The following DPYD variants were observed in gnomAD, a reference collection of about 807,000 sequenced individuals.
DPYD encodes the protein dihydropyrimidine dehydrogenase.
In DPYD, 109 loss-of-function variants were observed where a neutral mutation model predicts 116.2. The observed-to-expected ratio is 0.94, with a 90% CI of 0.80 to 1.10. The LOEUF (loss-of-function observed/expected upper bound fraction) is 1.10, where lower values mean the gene tolerates loss of function less well. Ranked by LOEUF, DPYD falls within the 50% of genes least tolerant of loss-of-function variation. DPYD has a pLI of 0.00. For missense variants in DPYD, 1,302 were observed against 1,254.5 expected (o/e 1.04, Z -0.57); for synonymous variants, 440 against 432.0 (o/e 1.02, Z -0.23).
intron 20 of DPYD, among the ~76,000 whole-genome samples, chr1:97,166,515 A>G (rs1656340858): frequency 6.6e-6 from 1 of 152,144 alleles, no homozygotes; most frequent in South Asian, 2.1e-4. Context: ...GGCCCCCATG[A>G]CATGAGTTTA....
chr1:97,444,578 T>C (rs1277900583), intron 14 of DPYD, among the ~76,000 whole-genome samples: 1 of 152,132 alleles, frequency 6.6e-6, no homozygotes, highest in African/African-American at 2.4e-5. Context: ...TTACAAAAAA[T>C]ACACACACAT....
At chr1:97,696,325 A>C (rs1465794132) in intron 6 of DPYD, among the ~76,000 whole-genome samples, 2 of 152,210 alleles carry the variant, frequency 1.3e-5, no homozygotes, top group East Asian at 3.9e-4. Context: ...AACATTGATC[A>C]TTGATATGAA....
At chr1:97,772,476 C>G (rs1470230084) in intron 3 of DPYD, among the ~76,000 whole-genome samples, 2 of 152,148 alleles carry the variant, frequency 1.3e-5, no homozygotes, top group Non-Finnish European at 2.9e-5. Context: ...CCACAGTCAT[C>G]TATAAAAGTA....
At chr1:97,641,852 C>G (rs1408726209) in intron 8 of DPYD, among the ~76,000 whole-genome samples, 2 of 152,142 alleles carry the variant, frequency 1.3e-5, no homozygotes, top group Admixed American at 6.5e-5. Context: ...TAGAAAACCC[C>G]ATCGTCTCAG....
intron 1 of DPYD, among the ~76,000 whole-genome samples, chr1:97,890,997 G>C (rs897178963): frequency 2.0e-5 from 3 of 151,854 alleles, no homozygotes; most frequent in Non-Finnish European, 4.4e-5. Context: ...AATGGATCTT[G>C]GGTAAAAATA....
intron 8 of DPYD, among the ~76,000 whole-genome samples, chr1:97,629,798 T>C (rs893239020): frequency 6.6e-6 from 1 of 152,134 alleles, no homozygotes; most frequent in African/African-American, 2.4e-5. Flanking sequence ...GACAATGCTA[T>C]GATCTATGCA....
intron 16 of DPYD, among the ~76,000 whole-genome samples, chr1:97,336,848 C>A (rs1340534998): frequency 6.6e-6 from 1 of 152,106 alleles, no homozygotes; most frequent in Non-Finnish European, 1.5e-5. Flanking sequence ...GAAAATGGAA[C>A]AGCAGAGGGT....
At chr1:97,671,789 T>C (rs1659872923) in intron 8 of DPYD, among the ~76,000 whole-genome samples, 2 of 152,180 alleles carry the variant, frequency 1.3e-5, no homozygotes, top group Non-Finnish European at 2.9e-5. Flanking sequence ...AGGGGAGGGA[T>C]ATATGCACAC....
intron 16 of DPYD, among the ~76,000 whole-genome samples, chr1:97,357,029 G>C (rs1670459335): frequency 6.6e-6 from 1 of 152,074 alleles, no homozygotes; most frequent in Non-Finnish European, 1.5e-5. Flanking sequence ...ACACATTTTA[G>C]AATTATATTT....
chr1:97,507,107 T>C lies in DPYD; in HGVS notation c.1740+8619A>G, dbSNP rs1041580959. Among the ~76,000 whole-genome samples, 39 of 151,994 alleles carry C rather than the reference T, an allele frequency of 2.6e-4. 2 individuals are homozygous for C. The highest frequency in any genetic ancestry group is 2.9e-5 in the Non-Finnish European group (2 of 67,938). On this transcript the variant is annotated intron_variant, in intron 13 of 22. Transcript: ENST00000370192. The stretch of plus-strand genomic sequence containing the variant: ...TCTTGAAGTGAACACTTGGATGAAA[T>C]GTCCCATAGGAGTACTATATGTGAA...
chr1:97,881,801 C>T (rs1672234907), intron 2 of DPYD, among the ~76,000 whole-genome samples: 1 of 151,454 alleles, frequency 6.6e-6, no homozygotes, highest in Admixed American at 6.6e-5. Flanking sequence ...GAGATTTAGG[C>T]TTGATAGTCT....
chr1:97,361,394 A>C (rs542232738), intron 16 of DPYD, among the ~76,000 whole-genome samples: 1 of 152,334 alleles, frequency 6.6e-6, no homozygotes, highest in East Asian at 1.9e-4. Context: ...AGTTGATACC[A>C]TTCCTTCTGA....
At chr1:97,685,204 A>C (rs1278032540) in intron 7 of DPYD, among the ~76,000 whole-genome samples, 4 of 152,210 alleles carry the variant, frequency 2.6e-5, no homozygotes, top group Non-Finnish European at 4.4e-5. Flanking sequence ...CAAATTAATA[A>C]ATGTAACTCA....
chr1:97,189,958 T>A (rs910945092), intron 20 of DPYD, among the ~76,000 whole-genome samples: 1 of 152,184 alleles, frequency 6.6e-6, no homozygotes, highest in Non-Finnish European at 1.5e-5. Flanking sequence ...GGTTTCAGTA[T>A]GTTTTGGATT....
chr1:97,490,112 G>T (rs76956705), intron 13 of DPYD, among the ~76,000 whole-genome samples: 1 of 151,710 alleles, frequency 6.6e-6, no homozygotes, highest in Non-Finnish European at 1.5e-5. Context: ...AAACTTACAC[G>T]AAATGGTATA....
chr1:97,080,439 A>T (rs1279742168), intron 22 of DPYD, among the ~76,000 whole-genome samples: 1 of 151,988 alleles, frequency 6.6e-6, no homozygotes, highest in Non-Finnish European at 1.5e-5. Flanking sequence ...TTTCTCTTTT[A>T]TGCACATATA....
intron 16 of DPYD, among the ~76,000 whole-genome samples, chr1:97,345,006 C>A (rs1449768880): frequency 6.6e-6 from 1 of 151,818 alleles, no homozygotes; most frequent in Non-Finnish European, 1.5e-5. Context: ...CACTCTTTGC[C>A]AAATTAGTTG....
At chr1:97,169,341 C>T in intron 20 of DPYD, among the ~76,000 whole-genome samples, 1 of 152,016 alleles carries the variant, frequency 6.6e-6, no homozygotes, top group East Asian at 1.9e-4. Context: ...TATCAGTAAT[C>T]CATAATGTAT....
At chr1:97,653,899 A>G (rs1298949033) in intron 8 of DPYD, among the ~76,000 whole-genome samples, 1 of 152,200 alleles carries the variant, frequency 6.6e-6, no homozygotes, top group Non-Finnish European at 1.5e-5. Context: ...TAAGGCTTTA[A>G]TTATGAAACT....
Sources: gnomAD v4.1 joint callset for allele counts (sites outside exome capture counted in the v4.1 genomes callset) on GRCh38, gnomAD v4.1.1 for gene constraint, MANE v1.5 for transcripts, NCBI Gene and HGNC (gene_info 2026-07-23, HGNC 2026-07-21) for gene names.